ZFHX3: variants seen among roughly 807,000 people sequenced by gnomAD.
ZFHX3 encodes zinc finger homeobox protein 3.
In ZFHX3, 42 loss-of-function variants were observed where a neutral mutation model predicts 279.1. The ratio of observed to expected loss-of-function variants is 0.15; its 90% CI spans 0.12 to 0.19. The LOEUF (loss-of-function observed/expected upper bound fraction) is 0.19, where lower values mean the gene tolerates loss of function less well. Among genes scored for constraint, ZFHX3 ranks in the 10% least tolerant of loss-of-function variants. ZFHX3 has a pLI of 1.00. For missense variants in ZFHX3, 4,981 were observed against 4,754.0 expected, an observed-to-expected ratio of 1.05 and a Z score of -1.40; for synonymous variants, 2,293 against 1,957.8, an observed-to-expected ratio of 1.17 and a Z score of -4.52.
At chr16:72,802,030 G>A (rs2036117836) in intron 7 of ZFHX3, among the ~76,000 whole-genome samples, 1 of 151,900 alleles carries the variant, frequency 6.6e-6, no homozygotes, top group Non-Finnish European at 1.5e-5. Context: ...TAAAAAAAAA[G>A]CCCTACAGAG....
intron 7 of ZFHX3, among the ~76,000 whole-genome samples, chr16:72,801,739 G>A (rs539671442): frequency 2.6e-5 from 4 of 152,164 alleles, no homozygotes; most frequent in East Asian, 1.9e-4. Flanking sequence ...TTGATGAATC[G>A]TTAAGAATGG....
intron 3 of ZFHX3, among the ~76,000 whole-genome samples, chr16:73,411,706 CA>C (rs150046346): frequency 6.0e-4 from 92 of 152,304 alleles, no homozygotes; most frequent in African/African-American, 2.2e-3. Context: ...CTCTTGAAAA[CA>C]TGGAATATTT....
At chr16:73,391,656 C>T (rs1033590703) in intron 3 of ZFHX3, among the ~76,000 whole-genome samples, 1 of 152,066 alleles carries the variant, frequency 6.6e-6, no homozygotes, top group African/African-American at 2.4e-5. Flanking sequence ...CAGACTCTAA[C>T]ATATCAAAGA....
At chr16:73,751,886 G>A (rs1382116733) in intron 1 of ZFHX3, among the ~76,000 whole-genome samples, 1 of 152,156 alleles carries the variant, frequency 6.6e-6, no homozygotes, top group Non-Finnish European at 1.5e-5. Context: ...TGGATCTGAG[G>A]CAGGAACTTA....
At chr16:73,670,892 T>G (rs1172509538) in intron 2 of ZFHX3, among the ~76,000 whole-genome samples, 1 of 152,250 alleles carries the variant, frequency 6.6e-6, no homozygotes, top group African/African-American at 2.4e-5. Flanking sequence ...AAAATTCACT[T>G]GAAGTTTGCA....
intron 4 of ZFHX3, among the ~76,000 whole-genome samples, chr16:72,883,331 AC>A (rs2038543219): frequency 1.3e-5 from 2 of 152,254 alleles, no homozygotes; most frequent in African/African-American, 4.8e-5. Flanking sequence ...CAAATAAAAA[AC>A]ATCTCCATGA....
At chr16:73,031,175 G>A (rs1258676153) in intron 1 of ZFHX3, among the ~76,000 whole-genome samples, 3 of 152,176 alleles carry the variant, frequency 2.0e-5, no homozygotes, top group Non-Finnish European at 4.4e-5. Flanking sequence ...TAAAGAAAAC[G>A]AACTCAAGTT....
chr16:73,751,966 G>T lies in ZFHX3; in HGVS notation c.-1607-71726C>A, dbSNP rs546594871. 7.9e-5 allele frequency among the ~76,000 whole-genome samples: 12 copies of T among 152,292 alleles called. No homozygotes were observed. The South Asian group carries it at 2.5e-3, about 32-fold the overall frequency. ...AGGTCAATCGGGTTATTCTCTCGGGGATTTGGAACAGGGATTCTGAGAAAC... is the reference window on the plus strand; with the variant it reads ...AGGTCAATCGGGTTATTCTCTCGGGTATTTGGAACAGGGATTCTGAGAAAC... On this transcript the variant is annotated intron_variant, in intron 1 of 17. Coordinates refer to the ZFHX3 transcript ENST00000641206.
chr16:73,623,301 A>G (rs9930878), intron 2 of ZFHX3, among the ~76,000 whole-genome samples: 147,765 of 152,252 alleles, frequency 0.97, 71,732 homozygotes, highest in East Asian at 1. Context: ...CTCCCAAAGC[A>G]CTGGGATTAC....
intron 2 of ZFHX3, among the ~76,000 whole-genome samples, chr16:73,632,810 C>T (rs1267737935): frequency 7.9e-5 from 12 of 152,274 alleles, no homozygotes; most frequent in Non-Finnish European, 1.6e-4. Context: ...GGAACGGTGG[C>T]TTACGCCTGT....
intron 3 of ZFHX3, among the ~76,000 whole-genome samples, chr16:73,338,808 T>C (rs963304): frequency 0.72 from 109,247 of 152,100 alleles, 39,813 homozygotes; most frequent in African/African-American, 0.82. Context: ...CTGGTGGAGA[T>C]GAGTGACTCA....
At chr16:73,830,678 A>G (rs1371471785) in intron 1 of ZFHX3, among the ~76,000 whole-genome samples, 1 of 152,232 alleles carries the variant, frequency 6.6e-6, no homozygotes, top group African/African-American at 2.4e-5. Context: ...AATTGTCAAC[A>G]TCAACAAATT....
At chr16:73,002,560 T>C (rs528759377) in intron 1 of ZFHX3, among the ~76,000 whole-genome samples, 4 of 152,142 alleles carry the variant, frequency 2.6e-5, no homozygotes, top group Admixed American at 2.6e-4. Flanking sequence ...TCAAGACAGC[T>C]AACTTGGGCA....
intron 1 of ZFHX3, among the ~76,000 whole-genome samples, chr16:73,000,863 G>A (rs1467101532): frequency 6.6e-6 from 1 of 152,152 alleles, no homozygotes; most frequent in Non-Finnish European, 1.5e-5. Context: ...TTTGAAACTG[G>A]GGGTGGAGAC....
At chr16:73,425,941 TAA>T (rs5817848) in intron 3 of ZFHX3, among the ~76,000 whole-genome samples, 6 of 151,012 alleles carry the variant, frequency 4.0e-5, no homozygotes, top group Admixed American at 6.6e-5. Context: ...TCCTTACCAT[TAA>T]AAAAAAAATG....
intron 5 of ZFHX3, among the ~76,000 whole-genome samples, chr16:73,182,905 T>G (rs1967829080): frequency 1.4e-4 from 19 of 137,156 alleles, no homozygotes; most frequent in South Asian, 2.7e-4. Flanking sequence ...GGGGGAGGGG[T>G]GAAAAATTAC....
At chr16:73,326,401 G>A (rs1294826695) in intron 3 of ZFHX3, among the ~76,000 whole-genome samples, 1 of 152,136 alleles carries the variant, frequency 6.6e-6, no homozygotes, top group Admixed American at 6.5e-5. Flanking sequence ...GCAATGCAGT[G>A]GGTGCTCATG....
chr16:73,533,851 C>T (rs1253906557), intron 2 of ZFHX3, among the ~76,000 whole-genome samples: 1 of 152,126 alleles, frequency 6.6e-6, no homozygotes, highest in African/African-American at 2.4e-5. Flanking sequence ...TAAATGTACA[C>T]AGAATCCAAC....
intron 3 of ZFHX3, among the ~76,000 whole-genome samples, chr16:72,915,474 C>G (rs2039421864): frequency 6.6e-6 from 1 of 152,162 alleles, no homozygotes; most frequent in Non-Finnish European, 1.5e-5. Flanking sequence ...TGCCACCTCT[C>G]AAGACTGAGG....
Sources: allele counts gnomAD v4.1 joint callset (sites outside exome capture counted in the v4.1 genomes callset), GRCh38; gene constraint gnomAD v4.1.1; transcripts MANE v1.5; gene names NCBI Gene and HGNC (gene_info 2026-07-23, HGNC 2026-07-21).